The following MPV17 variants were observed in gnomAD, a reference collection of about 807,000 sequenced individuals.
MPV17 encodes the protein mitochondrial inner membrane protein MPV17, also known as MPV17, mitochondrial inner membrane protein.
Under a neutral mutation model 28.6 loss-of-function variants are expected in MPV17, and 31 were observed. That is an observed-to-expected ratio of 1.08 (90% CI 0.81 to 1.46). The LOEUF (loss-of-function observed/expected upper bound fraction) is 1.46, where lower values mean the gene tolerates loss of function less well. Among genes scored for constraint, MPV17 ranks in the 40% most tolerant of loss-of-function variants. The pLI is 0.00. For missense variants in MPV17, 198 were observed against 216.2 expected, an observed-to-expected ratio of 0.92 and a Z score of 0.53; for synonymous variants, 87 against 85.3, an observed-to-expected ratio of 1.02 and a Z score of -0.11.
In MPV17 at chr2:27,314,334, A is replaced by C. The variant is rs1679569036; in HGVS notation, c.71-1225T>G. ...CAAGACCCTATCTCAAAAAGAAAAA[A>C]AAAGTAATAAAACAAGAGTGCTCAA... is the stretch of plus-strand genomic sequence containing the variant. On this transcript the variant is annotated intron_variant, in intron 2 of 7. Coordinates refer to ENST00000380044, the MANE Select transcript of MPV17 (RefSeq NM_002437.5). Among the ~76,000 whole-genome samples the C allele has an allele frequency of 2.6e-5, 4 of 152,144 alleles. No homozygotes were observed. In the South Asian group the frequency reaches 8.3e-4, roughly 32 times the overall value.
At chr2:27,322,844 T>C (rs1679907824) in intron 1 of MPV17, among the ~76,000 whole-genome samples, 1 of 152,214 alleles carries the variant, frequency 6.6e-6, no homozygotes, top group African/African-American at 2.4e-5. Flanking sequence ...TTGCTCTGGC[T>C]TCTACCCAGA....
rs1261534722 is a variant in MPV17, at chr2:27,311,619, G to T, written c.461+280C>A. The T allele has an allele frequency of 1.9e-6, 3 of 1,550,406 alleles. No individual in the cohort carries two copies. The Admixed American group carries it at 5.9e-5, about 30-fold the overall frequency. On this transcript the variant is annotated intron_variant, in intron 7 of 7. Coordinates refer to ENST00000380044, the MANE Select transcript of MPV17 (RefSeq NM_002437.5). Reference sequence around the variant, plus strand: ...CCCCAGCCACTGTCCCTCCAGATATGCCATCAAAGACGGAGCTCAGGTGGG... The same window carrying T: ...CCCCAGCCACTGTCCCTCCAGATATTCCATCAAAGACGGAGCTCAGGTGGG...
In MPV17 at chr2:27,317,026, G is replaced by A. The variant is rs906583803; in HGVS notation, c.71-3917C>T. On this transcript the variant is annotated intron_variant, in intron 2 of 7. Coordinates refer to ENST00000380044, the MANE Select transcript of MPV17 (RefSeq NM_002437.5). This position sits in a 1 kb window ranked among gnomAD's most constrained non-coding sequence, Gnocchi z 4.0. ...GCCCCAACTTCCACACCCTCTTCCC[G>A]GGCATGGGCAGGGTAAATTCCCTAC... 53 of 1,478,964 alleles carry A rather than the reference G, an allele frequency of 3.6e-5. No individual in the cohort carries two copies. Among genetic ancestry groups the A allele is most frequent in the African/African-American group, 4.2e-5 (3 of 71,226 alleles). 91.6% of individuals were successfully genotyped at this position (1,478,964 alleles called of 1,614,324 possible).
At chr2:27,321,890 G>C (rs1167814881) in intron 2 of MPV17, 1 of 154,600 alleles carries the variant, frequency 6.5e-6, no homozygotes, top group Non-Finnish European at 1.4e-5. Flanking sequence ...ATTACGGAGA[G>C]GCACTCAAGA....
chr2:27,321,452 T>G (rs571188034), intron 2 of MPV17, among the ~76,000 whole-genome samples: 5 of 152,238 alleles, frequency 3.3e-5, no homozygotes, highest in Non-Finnish European at 5.9e-5. Flanking sequence ...CCTGTTCCAC[T>G]CTGGCCTTCA....
intron 1 of MPV17, 176 bp from the exon 2 acceptor site, chr2:27,322,698 A>G: frequency 1.6e-6 from 1 of 625,650 alleles, no homozygotes. Flanking sequence ...GAGTCGCCTT[A>G]GACAATTGGG....
chr2:27,309,837 C>G lies in MPV17; in HGVS notation c.*75G>C, dbSNP rs571833094. On this transcript the variant is annotated 3_prime_UTR_variant, in exon 8 of 8. Transcript: ENST00000380044. ...AACCCCGTGGAAACTGGTATGCCCA[C>G]TTTGAGGAGGTTGTCTGACCGTTCC... 2 of 1,305,864 alleles carry G rather than the reference C, an allele frequency of 1.5e-6. No homozygotes were observed. Among genetic ancestry groups the G allele is most frequent in the East Asian group, 2.3e-5 (1 of 43,410 alleles). The allele number at this position is 1,305,864 out of a possible 1,614,324, so 80.9% of individuals were successfully genotyped here.
At chr2:27,313,693 CTATT>C (rs1481936187) in intron 2 of MPV17, among the ~76,000 whole-genome samples, 3 of 152,134 alleles carry the variant, frequency 2.0e-5, no homozygotes, top group Non-Finnish European at 4.4e-5. Flanking sequence ...TAGGGGATCT[CTATT>C]TGTAGAGAAC....
intron 2 of MPV17, among the ~76,000 whole-genome samples, chr2:27,320,203 C>A (rs1477783930): frequency 6.6e-6 from 1 of 151,322 alleles, no homozygotes. Context: ...CGCCACCGCA[C>A]TCCAGCCCGG....
chr2:27,322,284 G>A (rs888969945), intron 2 of MPV17, 164 bp downstream of exon 2: 1 of 715,472 alleles, frequency 1.4e-6, no homozygotes, highest in African/African-American at 1.7e-5. Context: ...AACAGCCTTG[G>A]GGACCACCCT....
At chr2:27,312,793 G>A (rs779482558) in intron 3 of MPV17, 21 bp from the exon 4 acceptor site, 2 of 1,612,228 alleles carry the variant, frequency 1.2e-6, no homozygotes, top group Non-Finnish European at 1.7e-6. Flanking sequence ...ACCCCAGATA[G>A]CAGCAGGCTG....
At position 27,309,654 on chromosome 2, in the gene MPV17, G is replaced by A; in HGVS notation, c.*258C>T. The A allele has an allele frequency of 1.7e-6, 1 of 605,502 alleles. No individual in the cohort carries two copies. The highest frequency in any genetic ancestry group is 2.0e-5 in the South Asian group (1 of 51,040). The allele number at this position is 605,502 out of a possible 1,614,324, so 37.5% of individuals were successfully genotyped here. A position where few individuals can be genotyped will look rare whatever the true frequency, so the allele number is the denominator to read the frequency against. On this transcript the variant is annotated 3_prime_UTR_variant, in exon 8 of 8. Transcript: ENST00000380044. ...GCATTTGCTGGGATATGGGTGTAAA[G>A]TTGATAAGGTCATGAAGGTTCAACA...
chr2:27,312,011 T>G, intron 6 of MPV17, 60 bp from the exon 7 acceptor site: 1 of 1,594,180 alleles, frequency 6.3e-7, no homozygotes. Flanking sequence ...AGACTCACTG[T>G]CTTGCCTGGC....
chr2:27,315,878 G>T, intron 2 of MPV17: 1 of 1,385,502 alleles, frequency 7.2e-7, no homozygotes, highest in Non-Finnish European at 9.3e-7. Context: ...CCCATTTAAT[G>T]ATGAGTCTTT....
At position 27,309,875 on chromosome 2, in the gene MPV17, C is replaced by CA; in HGVS notation, c.*36dup. 6.4e-7 allele frequency: 1 copy of CA among 1,572,458 alleles called. No homozygotes were observed. The highest frequency in any genetic ancestry group is 8.8e-7 in the Non-Finnish European group (1 of 1,142,254). On this transcript the variant is annotated 3_prime_UTR_variant, in exon 8 of 8. Transcript: ENST00000380044. ...GTCTGACCGTTCCAGGGTCAAGCTG[C>CA]ATCACTGCAAGGTGGAAACGATGGA...
Position 27,317,048 on chromosome 2 carries a change from C to T in MPV17, c.71-3939G>A. Reference sequence around the variant, plus strand: ...CCCGGGCATGGGCAGGGTAAATTCCCTACTTCTCCTATTTTGTTCCTCTAC... The same window carrying T: ...CCCGGGCATGGGCAGGGTAAATTCCTTACTTCTCCTATTTTGTTCCTCTAC... On this transcript the variant is annotated intron_variant, in intron 2 of 7. Coordinates refer to ENST00000380044, the MANE Select transcript of MPV17 (RefSeq NM_002437.5). The surrounding 1 kb of genome is among the most constrained non-coding windows in gnomAD (Gnocchi z 4.0). The T allele has an allele frequency of 6.5e-7, 1 of 1,532,176 alleles. No individual in the cohort carries two copies. The highest frequency in any genetic ancestry group is 2.0e-5 in the Admixed American group (1 of 49,450). 94.9% of individuals were successfully genotyped at this position (1,532,176 alleles called of 1,614,324 possible).
intron 2 of MPV17, chr2:27,313,510 G>T (rs1679538739): frequency 2.3e-6 from 1 of 435,880 alleles, no homozygotes; most frequent in Non-Finnish European, 4.2e-6. Flanking sequence ...GAAGTCCAGG[G>T]TCTCACATAA....
chr2:27,318,501 G>A (rs1572550718), intron 2 of MPV17, among the ~76,000 whole-genome samples: 1 of 151,992 alleles, frequency 6.6e-6, no homozygotes, highest in East Asian at 1.9e-4. Context: ...GGGATTACAG[G>A]CATGCGCCAC....
At chr2:27,313,180 T>A (rs765728163) in intron 2 of MPV17, 71 bp from the exon 3 acceptor site, 6 of 1,609,874 alleles carry the variant, frequency 3.7e-6, no homozygotes, top group Non-Finnish European at 5.1e-6. Context: ...GGGAGGGACA[T>A]CTGCTGACCT....
Sources: allele counts gnomAD v4.1 joint callset (sites outside exome capture counted in the v4.1 genomes callset), GRCh38; gene constraint gnomAD v4.1.1; non-coding constraint Gnocchi (gnomAD v3.1); transcripts MANE v1.5; gene names NCBI Gene and HGNC (gene_info 2026-07-23, HGNC 2026-07-21).